The following ADCY9 variants were observed in gnomAD, a reference collection of about 807,000 sequenced individuals.
ADCY9 encodes the protein adenylate cyclase type 9.
ADCY9 carries 50 observed loss-of-function variants against 101.5 expected under a neutral mutation model. The observed-to-expected ratio is 0.49, with a 90% CI of 0.39 to 0.62. The LOEUF (loss-of-function observed/expected upper bound fraction) is 0.62, where lower values mean the gene tolerates loss of function less well. ADCY9 is among the 20% of genes least tolerant of loss of function. The pLI is 0.00. For missense variants in ADCY9, 1,662 were observed against 1,800.4 expected, an observed-to-expected ratio of 0.92 and a Z score of 1.39; for synonymous variants, 905 against 769.3, an observed-to-expected ratio of 1.18 and a Z score of -2.92.
intron 2 of ADCY9, among the ~76,000 whole-genome samples, chr16:4,016,422 C>T (rs115356571): frequency 0.011 from 1,632 of 151,948 alleles, 21 homozygotes; most frequent in African/African-American, 0.037. Flanking sequence ...ATGCCACAGA[C>T]GGGAGGGAGG....
At chr16:4,063,130 T>A (rs578133122) in intron 2 of ADCY9, among the ~76,000 whole-genome samples, 2 of 152,224 alleles carry the variant, frequency 1.3e-5, no homozygotes, top group South Asian at 4.2e-4. Flanking sequence ...TTTAAAAGAA[T>A]TAAAATCATA....
chr16:4,007,555 A>G lies in ADCY9; in HGVS notation c.1697T>C (p.Leu566Ser). Residue 566 changes from leucine to serine, a missense_variant, in exon 3 of 11, where the codon TTG (leucine) becomes TCG (serine). Leu to Ser is a moderately radical substitution (Grantham distance 145, BLOSUM62 -2). This residue lies in a region of ADCY9 where 624 missense variants were observed against 639.1 expected (regional missense o/e 0.98). Coordinates refer to ENST00000294016, the MANE Select transcript of ADCY9 (RefSeq NM_001116.4). ...CTGACCCGATATCAGGTATGTCTTC[A>G]AACCTATGATGGATAAAAGTTACAG... is the stretch of plus-strand genomic sequence containing the variant. ...QSVVADQLKG[L>S]KTYLISGQRA... 6.2e-7 allele frequency: 1 copy of G among 1,606,602 alleles called. No homozygotes were observed. The highest frequency in any genetic ancestry group is 8.5e-7 in the Non-Finnish European group (1 of 1,177,480).
intron 2 of ADCY9, among the ~76,000 whole-genome samples, chr16:4,057,092 T>G (rs761163878): frequency 2.4e-4 from 34 of 143,160 alleles, no homozygotes; most frequent in Non-Finnish European, 4.7e-4. Flanking sequence ...CTATGAAGGG[T>G]TTTGGCATAA....
At chr16:3,982,874 G>A (rs1004100828) in intron 7 of ADCY9, 2 of 270,024 alleles carry the variant, frequency 7.4e-6, no homozygotes, top group African/African-American at 2.2e-5. Flanking sequence ...GGCGCCTGCT[G>A]TCCCAGGCCC....
intron 2 of ADCY9, among the ~76,000 whole-genome samples, chr16:4,097,420 T>C (rs537959132): frequency 4.6e-4 from 63 of 136,810 alleles, no homozygotes; most frequent in Non-Finnish European, 6.9e-4. Context: ...GGGTGTGGTT[T>C]CACACATAAC....
chr16:4,001,779 T>C (rs2056333088), intron 3 of ADCY9, among the ~76,000 whole-genome samples: 1 of 150,524 alleles, frequency 6.6e-6, no homozygotes. Flanking sequence ...AGATGGAATC[T>C]CACTCTGTTG....
chr16:4,052,756 T>C (rs968137977), intron 2 of ADCY9, among the ~76,000 whole-genome samples: 2 of 152,190 alleles, frequency 1.3e-5, no homozygotes, highest in Non-Finnish European at 2.9e-5. Flanking sequence ...GAAATAAATA[T>C]GCTACTCAAA....
chr16:4,108,588 G>A (rs1295226373), intron 2 of ADCY9, among the ~76,000 whole-genome samples: 1 of 151,628 alleles, frequency 6.6e-6, no homozygotes, highest in African/African-American at 2.4e-5. Context: ...TGGTCAGGCT[G>A]GTCTCAAACT....
intron 2 of ADCY9, among the ~76,000 whole-genome samples, chr16:4,069,884 G>T (rs2056822922): frequency 6.6e-6 from 1 of 151,996 alleles, no homozygotes; most frequent in Admixed American, 6.6e-5. Flanking sequence ...TCACTTGAGG[G>T]CAGGAGTTTG....
intron 2 of ADCY9, among the ~76,000 whole-genome samples, chr16:4,016,484 G>A (rs879339570): frequency 4.6e-5 from 7 of 152,200 alleles, no homozygotes; most frequent in Non-Finnish European, 8.8e-5. Flanking sequence ...CTGCAGCAGG[G>A]ACGGGGGTCC....
At chr16:4,106,922 G>A (rs1567151049) in intron 2 of ADCY9, among the ~76,000 whole-genome samples, 3 of 152,188 alleles carry the variant, frequency 2.0e-5, no homozygotes, top group South Asian at 4.1e-4. Flanking sequence ...CCTTCTCCAT[G>A]TTTCCCTTCC....
rs550147760 is a variant in ADCY9, at chr16:4,019,054, C to T, written c.1694-11496G>A. Among the ~76,000 whole-genome samples, 251 of 151,526 alleles carry T rather than the reference C, an allele frequency of 1.7e-3. 1 individual carries two copies. Among genetic ancestry groups the T allele is most frequent in the African/African-American group, 6.0e-3 (248 of 41,310 alleles). ...GCAGTGGCATGATCACGGCTCACTG[C>T]AGCCTCGACGTCCTGGGCTCAAGTG... is the stretch of plus-strand genomic sequence containing the variant. On this transcript the variant is annotated intron_variant, in intron 2 of 10. Coordinates refer to ENST00000294016, the MANE Select transcript of ADCY9 (RefSeq NM_001116.4).
rs1319241888 is a variant in ADCY9, at chr16:3,992,901, C to T, written c.1989+505G>A. Among the ~76,000 whole-genome samples, 1 of 152,088 alleles carries T rather than the reference C, an allele frequency of 6.6e-6. No homozygotes were observed. Among genetic ancestry groups the T allele is most frequent in the Admixed American group, 6.5e-5 (1 of 15,268 alleles). On this transcript the variant is annotated intron_variant, in intron 4 of 10. Transcript: ENST00000294016. This position sits in a 1 kb window ranked among gnomAD's most constrained non-coding sequence, Gnocchi z 4.2. The stretch of plus-strand genomic sequence containing the variant: ...AGAGCAGATGGAGGACGAGAGCCCG[C>T]GCCCCAGGTGAGTCGCCTGCATGAG...
At chr16:3,972,756 G>A (rs1229002866) in intron 10 of ADCY9, among the ~76,000 whole-genome samples, 1 of 152,052 alleles carries the variant, frequency 6.6e-6, no homozygotes, top group African/African-American at 2.4e-5. Context: ...TAGGGAGGTG[G>A]TCAGGTCGGG....
intron 2 of ADCY9, among the ~76,000 whole-genome samples, chr16:4,112,099 C>T (rs569468402): frequency 6.6e-6 from 1 of 152,326 alleles, no homozygotes; most frequent in East Asian, 1.9e-4. Flanking sequence ...GTCCCACAGT[C>T]TCCAAGGACA....
chr16:3,955,951 C>T (rs2141661328), intron 5 of ADCY9, among the ~76,000 whole-genome samples: 1 of 152,234 alleles, frequency 6.6e-6, no homozygotes, highest in East Asian at 1.9e-4. Context: ...GCAGCTTCAC[C>T]TCCTGCGCTC....
chr16:3,960,173 G>C (rs1178835463), downstream of ADCY9, among the ~76,000 whole-genome samples: 3 of 152,080 alleles, frequency 2.0e-5, no homozygotes, highest in African/African-American at 7.2e-5. Flanking sequence ...TCTGGTTACC[G>C]TGGATCAGGG....
rs547904047 is a variant in ADCY9 at position 4,012,472 on chromosome 16, G to T, written c.1694-4914C>A. Among the ~76,000 whole-genome samples the T allele has an allele frequency of 4.9e-4, 16 of 32,340 alleles. 1 individual carries two copies. The highest frequency in any genetic ancestry group is 6.8e-4 in the Non-Finnish European group (8 of 11,776). The allele number at this position is 32,340 out of a possible 152,430, so 21.2% of individuals were successfully genotyped here. A position where few individuals can be genotyped will look rare whatever the true frequency, so the allele number is the denominator to read the frequency against. On this transcript the variant is annotated intron_variant, in intron 2 of 10. Transcript: ENST00000294016. ...TAGAATGGCTCTTTTGCAGCAGAAG[G>T]TCCAAAAAAAAAAAAAAGACAGCTA...
At chr16:4,074,571 G>T (rs1265949790) in intron 2 of ADCY9, among the ~76,000 whole-genome samples, 1 of 151,176 alleles carries the variant, frequency 6.6e-6, no homozygotes, top group Non-Finnish European at 1.5e-5. Context: ...AAAACAATTA[G>T]CCGGGCATGG....
Sources: gnomAD v4.1 joint callset for allele counts (sites outside exome capture counted in the v4.1 genomes callset) on GRCh38, gnomAD v4.1.1 for gene constraint, gnomAD v4.1.1 regional missense constraint, Gnocchi (gnomAD v3.1) non-coding constraint, MANE v1.5 for transcripts, NCBI Gene and HGNC (gene_info 2026-07-23, HGNC 2026-07-21) for gene names.